The following DIS3L2 variants were observed in gnomAD, a reference collection of about 807,000 sequenced individuals.
DIS3L2 encodes the protein DIS3-like exonuclease 2.
A neutral mutation model predicts 97.5 loss-of-function variants in DIS3L2; 34 were observed. The ratio of observed to expected loss-of-function variants is 0.35; its 90% CI spans 0.27 to 0.46. The LOEUF (loss-of-function observed/expected upper bound fraction) is 0.46, where lower values mean the gene tolerates loss of function less well. Ranked by LOEUF, DIS3L2 falls within the 20% of genes least tolerant of loss-of-function variation. The pLI is 1.00. For synonymous variants in DIS3L2, 435 were observed against 445.2 expected (o/e 0.98, Z 0.29); for missense variants, 1,038 against 1,146.0 (o/e 0.91, Z 1.36).
chr2:232,015,749 T>A, intron 3 of DIS3L2, 78 bp downstream of exon 3: 3 of 1,518,804 alleles, frequency 2.0e-6, no homozygotes, highest in Non-Finnish European at 2.7e-6. Flanking sequence ...TCCTGTTCTG[T>A]GCTATATGCT....
Position 232,015,645 on chromosome 2 carries a change from G to C in DIS3L2, c.184G>C (p.Gly62Arg). ...CATGTCCAAGGAGGATGTTTCAGAA[G>C]GCTTGAAGAGAGGAACACTCATCCA... ...TYMSKEDVSE[G>R]LKRGTLIQGV... The change falls in exon 3 of 21, where the codon GGC becomes CGC. Residue 62 changes from glycine (G) to arginine (R), a missense_variant. Gly to Arg is a moderately radical substitution (Grantham distance 125, BLOSUM62 -2). Coordinates refer to ENST00000325385, the MANE Select transcript of DIS3L2 (RefSeq NM_152383.5). 1 of 1,613,860 alleles carries C rather than the reference G, an allele frequency of 6.2e-7. No individual in the cohort carries two copies. Among genetic ancestry groups the C allele is most frequent in the Non-Finnish European group, 8.5e-7 (1 of 1,179,862 alleles).
chr2:232,035,465 G>T (rs1026490296), intron 5 of DIS3L2, among the ~76,000 whole-genome samples: 1 of 152,164 alleles, frequency 6.6e-6, no homozygotes, highest in African/African-American at 2.4e-5. Flanking sequence ...TTGCCAGCCT[G>T]TGCCTTTTAA....
intron 12 of DIS3L2, among the ~76,000 whole-genome samples, chr2:232,252,514 T>C (rs1278334692): frequency 1.3e-5 from 2 of 152,232 alleles, no homozygotes; most frequent in African/African-American, 4.8e-5. Flanking sequence ...GATGTGTAGA[T>C]ATGTAGCTGG....
intron 14 of DIS3L2, 26 bp from the exon 15 acceptor site, chr2:232,329,787 C>CCGGGGGGGGGG: frequency 2.6e-5 from 28 of 1,062,204 alleles, no homozygotes; most frequent in Non-Finnish European, 3.2e-5. Flanking sequence ...CCCAGCGGTC[C>CCGGGGGGGGGG]CTCCCATCCC....
chr2:232,111,435 G>A (rs186070828), intron 6 of DIS3L2, among the ~76,000 whole-genome samples: 5 of 151,912 alleles, frequency 3.3e-5, no homozygotes, highest in African/African-American at 9.7e-5. Context: ...CAGATTCCTT[G>A]TACTTTGGGC....
At chr2:232,285,295 C>A (rs1694397232) in intron 13 of DIS3L2, among the ~76,000 whole-genome samples, 1 of 152,152 alleles carries the variant, frequency 6.6e-6, no homozygotes, top group African/African-American at 2.4e-5. Context: ...CTATCTCTCA[C>A]CTGCTCTCCC....
intron 9 of DIS3L2, among the ~76,000 whole-genome samples, chr2:232,201,075 C>T (rs1691880849): frequency 6.6e-6 from 1 of 152,108 alleles, no homozygotes; most frequent in East Asian, 1.9e-4. Context: ...GTGCCTGGCC[C>T]CAAAAGGGTT....
At chr2:232,054,122 A>T (rs1323634460) in intron 5 of DIS3L2, among the ~76,000 whole-genome samples, 1 of 152,210 alleles carries the variant, frequency 6.6e-6, no homozygotes, top group Non-Finnish European at 1.5e-5. Context: ...CTGTATTAGG[A>T]ACTGGGGATG....
intron 3 of DIS3L2, among the ~76,000 whole-genome samples, chr2:232,017,635 G>A (rs1694395138): frequency 6.6e-6 from 1 of 152,008 alleles, no homozygotes; most frequent in Non-Finnish European, 1.5e-5. Context: ...TCTCCTCCAG[G>A]AACACTCTCC....
chr2:231,971,426 G>A (rs1386340494), intron 1 of DIS3L2, among the ~76,000 whole-genome samples: 1 of 151,686 alleles, frequency 6.6e-6, no homozygotes, highest in Non-Finnish European at 1.5e-5. Context: ...CTACAGGTGT[G>A]TGCCACCACG....
intron 9 of DIS3L2, among the ~76,000 whole-genome samples, chr2:232,199,425 G>A (rs1691835777): frequency 6.6e-6 from 1 of 152,162 alleles, no homozygotes; most frequent in South Asian, 2.1e-4. Context: ...ATTGCCTAAT[G>A]ATGCAGTGAA....
chr2:232,130,614 T>C lies in DIS3L2; in HGVS notation c.602-5T>C. The C allele has an allele frequency of 6.2e-7, 1 of 1,605,916 alleles. No homozygotes were observed. On this transcript the variant is annotated splice_region_variant and splice_polypyrimidine_tract_variant and intron_variant, in intron 6 of 20. Coordinates refer to ENST00000325385, the MANE Select transcript of DIS3L2 (RefSeq NM_152383.5). The stretch of plus-strand genomic sequence containing the variant: ...TCCTCTTCTCTCTTTATCTTTTTAA[T>C]GTAGGAAGAGAGGATGGTGATGCAC...
chr2:232,310,448 G>A (rs1429720720), intron 14 of DIS3L2, among the ~76,000 whole-genome samples: 2 of 152,222 alleles, frequency 1.3e-5, no homozygotes, highest in African/African-American at 4.8e-5. Context: ...GATTCGGGTA[G>A]TGTTCAGCGA....
At chr2:232,138,360 T>C (rs1020127261) in intron 8 of DIS3L2, among the ~76,000 whole-genome samples, 4 of 152,116 alleles carry the variant, frequency 2.6e-5, no homozygotes, top group African/African-American at 9.7e-5. Flanking sequence ...AAATAAAAAA[T>C]GAAGATAATC....
chr2:232,341,812 C>G (rs546973139), downstream of DIS3L2, among the ~76,000 whole-genome samples: 261 of 152,334 alleles, frequency 1.7e-3, 2 homozygotes, highest in African/African-American at 6.1e-3. Context: ...CTTCCCCTCT[C>G]TGTCTCTGGA....
chr2:232,000,724 TC>T (rs1693869698), intron 1 of DIS3L2, among the ~76,000 whole-genome samples: 1 of 140,376 alleles, frequency 7.1e-6, no homozygotes, highest in Admixed American at 7.3e-5. Context: ...TTCTTCTTCT[TC>T]TTTTTTTTTT....
intron 6 of DIS3L2, among the ~76,000 whole-genome samples, chr2:232,116,226 G>A (rs1338131528): frequency 6.7e-6 from 1 of 148,754 alleles, no homozygotes; most frequent in East Asian, 2.1e-4. Context: ...AAATAAAACA[G>A]ATGAATACTA....
intron 19 of DIS3L2, 23 bp from the exon 20 acceptor site, chr2:232,335,750 G>A: frequency 6.5e-7 from 1 of 1,549,482 alleles, no homozygotes; most frequent in Middle Eastern, 1.8e-4. Context: ...GCTGAGGCCT[G>A]AGGCTTGGTG....
At chr2:232,193,484 T>C (rs934828169) in intron 9 of DIS3L2, among the ~76,000 whole-genome samples, 1 of 152,230 alleles carries the variant, frequency 6.6e-6, no homozygotes, top group Non-Finnish European at 1.5e-5. Context: ...TTATGCTTGA[T>C]AAAATATTGC....
Sources: allele counts gnomAD v4.1 joint callset (sites outside exome capture counted in the v4.1 genomes callset), GRCh38; gene constraint gnomAD v4.1.1; transcripts MANE v1.5; gene names NCBI Gene and HGNC (gene_info 2026-07-23, HGNC 2026-07-21).